The following PTPRE variants were observed in gnomAD, a reference collection of about 807,000 sequenced individuals.
PTPRE encodes receptor-type tyrosine-protein phosphatase epsilon.
PTPRE carries 51 observed loss-of-function variants against 102.0 expected under a neutral mutation model. The observed-to-expected ratio is 0.50, with a 90% CI of 0.40 to 0.63. The LOEUF is 0.63. Ranked by LOEUF, PTPRE falls within the 30% of genes least tolerant of loss-of-function variation. The probability of loss-of-function intolerance (pLI) is 0.00; values close to 1 mark genes in which losing one functional copy is unlikely to be tolerated. For missense variants in PTPRE, 752 were observed against 915.1 expected (o/e 0.82, Z 2.30); for synonymous variants, 345 against 348.2 (o/e 0.99, Z 0.10).
chr10:128,022,007 C>T (rs894246879), intron 2 of PTPRE, among the ~76,000 whole-genome samples: 6 of 152,208 alleles, frequency 3.9e-5, no homozygotes, highest in South Asian at 2.1e-4. Context: ...CCCATCACTG[C>T]GTCTCCCCTG....
chr10:127,971,893 T>C (rs926918156), intron 1 of PTPRE, among the ~76,000 whole-genome samples: 1 of 152,192 alleles, frequency 6.6e-6, no homozygotes, highest in African/African-American at 2.4e-5. Flanking sequence ...CAGATTCAGG[T>C]GCAGCATTGA....
At chr10:127,937,033 C>T (rs1286455852) in intron 1 of PTPRE, among the ~76,000 whole-genome samples, 1 of 152,152 alleles carries the variant, frequency 6.6e-6, no homozygotes, top group East Asian at 1.9e-4. Context: ...CTCAGTCCTT[C>T]TCGCTCCATA....
intron 19 of PTPRE, 121 bp downstream of exon 19, chr10:128,077,904 C>T: frequency 9.1e-7 from 1 of 1,104,048 alleles, no homozygotes; most frequent in Non-Finnish European, 1.3e-6. Context: ...CCTAGAGTCT[C>T]CTCTCTACCT....
chr10:128,061,072 A>G (rs1335974311), intron 8 of PTPRE, 57 bp downstream of exon 8: 3 of 1,544,242 alleles, frequency 1.9e-6, no homozygotes. Flanking sequence ...AGCAGTAAGC[A>G]CTTTCTTGTC....
rs1166499710 is a variant in PTPRE at position 128,028,569 on chromosome 10, C to G, written c.-7-12306C>G. On this transcript the variant is annotated intron_variant, in intron 2 of 20. Transcript: ENST00000254667. The surrounding 1 kb of genome is among the most constrained non-coding windows in gnomAD (Gnocchi z 4.5). ...GACAGGTTGCAGAAGGCCACTGCCT[C>G]GCTGCAGGAGGCTGGCCCTCAGCGC... 6.6e-6 allele frequency among the ~76,000 whole-genome samples: 1 copy of G among 152,144 alleles called. No homozygotes were observed. Among genetic ancestry groups the G allele is most frequent in the Non-Finnish European group, 1.5e-5 (1 of 68,036 alleles).
chr10:127,963,392 G>A (rs1402819448), intron 1 of PTPRE, among the ~76,000 whole-genome samples: 1 of 152,162 alleles, frequency 6.6e-6, no homozygotes, highest in Non-Finnish European at 1.5e-5. Flanking sequence ...TCAAAGAACT[G>A]TATGTAATTT....
chr10:128,042,204 A>G (rs114065343), intron 3 of PTPRE, among the ~76,000 whole-genome samples: 1 of 152,112 alleles, frequency 6.6e-6, no homozygotes, highest in African/African-American at 2.4e-5. Flanking sequence ...ACGTAGAAAC[A>G]TCTGACAAAC....
chr10:128,073,429 C>T lies in PTPRE; in HGVS notation c.1557C>T (p.Ser519=), dbSNP rs1850954255. The T allele has an allele frequency of 6.2e-7, 1 of 1,614,170 alleles. No individual in the cohort carries two copies. ...DFWRMIWEWK[S]HTIVMLTEVQ... ...GGAGGATGATCTGGGAATGGAAATC[C>T]CACACTATCGTGATGCTGACGGAGG... Residue 519 remains serine (S), a synonymous_variant, in exon 17 of 21, where the codon TCC becomes TCT. Coordinates refer to ENST00000254667, the MANE Select transcript of PTPRE (RefSeq NM_006504.6).
intron 2 of PTPRE, among the ~76,000 whole-genome samples, chr10:128,000,849 A>G (rs1853806959): frequency 6.6e-6 from 1 of 152,212 alleles, no homozygotes; most frequent in Non-Finnish European, 1.5e-5. Context: ...CACTTGGGCA[A>G]CTGCCCAGAA....
chr10:127,909,720 G>A (rs902073616), intron 1 of PTPRE, among the ~76,000 whole-genome samples: 1 of 152,226 alleles, frequency 6.6e-6, no homozygotes, highest in African/African-American at 2.4e-5. Context: ...GCCCAGCCAT[G>A]TGCCTACCAG....
At chr10:127,941,385 G>A (rs1426324489) in intron 1 of PTPRE, among the ~76,000 whole-genome samples, 6 of 152,188 alleles carry the variant, frequency 3.9e-5, no homozygotes, top group Non-Finnish European at 7.3e-5. Flanking sequence ...ACAAATGCAA[G>A]AGTCAGGCAG....
chr10:127,956,099 A>G (rs939926337), intron 1 of PTPRE, among the ~76,000 whole-genome samples: 2 of 152,156 alleles, frequency 1.3e-5, no homozygotes, highest in Non-Finnish European at 2.9e-5. Flanking sequence ...GTCAGGTGAA[A>G]CTATTACCTT....
intron 1 of PTPRE, among the ~76,000 whole-genome samples, chr10:127,975,860 AC>A (rs555955531): frequency 1.1e-4 from 16 of 152,256 alleles, no homozygotes; most frequent in African/African-American, 3.9e-4. Flanking sequence ...CTGAAGTCCC[AC>A]TGCACTACCC....
chr10:128,044,940 G>A (rs544439828), intron 3 of PTPRE, among the ~76,000 whole-genome samples: 16 of 152,362 alleles, frequency 1.1e-4, no homozygotes, highest in Admixed American at 1.0e-3. Flanking sequence ...TTAGGAAAGT[G>A]GGAAGAACTA....
chr10:127,987,284 C>T (rs1196314895), intron 2 of PTPRE: 25 of 1,226,652 alleles, frequency 2.0e-5, no homozygotes, highest in Admixed American at 8.6e-5. Context: ...GTGTTCACAG[C>T]AGACCCAGTT....
chr10:128,028,793 GC>G lies in PTPRE; in HGVS notation c.-7-12081del, dbSNP rs1846476668. ...CGGAGGGCTTGAGACCCTCTGGGATGCGACCCAGTCCCCACCCATGGCCACT... is the reference window on the plus strand; with the variant it reads ...CGGAGGGCTTGAGACCCTCTGGGATGGACCCAGTCCCCACCCATGGCCACT... On this transcript the variant is annotated intron_variant, in intron 2 of 20. Transcript: ENST00000254667. The surrounding 1 kb of genome is among the most constrained non-coding windows in gnomAD (Gnocchi z 4.5). Among the ~76,000 whole-genome samples the G allele has an allele frequency of 6.6e-6, 1 of 152,178 alleles. No homozygotes were observed. Among genetic ancestry groups the G allele is most frequent in the African/African-American group, 2.4e-5 (1 of 41,442 alleles).
intron 7 of PTPRE, among the ~76,000 whole-genome samples, chr10:128,058,887 C>T (rs920996590): frequency 1.3e-5 from 2 of 152,228 alleles, no homozygotes; most frequent in Admixed American, 6.5e-5. Context: ...TGGCTCTGGG[C>T]AGGCATGTGG....
intron 5 of PTPRE, among the ~76,000 whole-genome samples, chr10:128,049,272 G>T (rs1163916375): frequency 2.0e-5 from 3 of 152,156 alleles, no homozygotes; most frequent in Non-Finnish European, 4.4e-5. Context: ...AGGGGGACAG[G>T]CTGTCTCCAA....
chr10:128,068,489 G>A (rs1850477977), intron 12 of PTPRE: 3 of 492,670 alleles, frequency 6.1e-6, no homozygotes, highest in African/African-American at 3.9e-5. Context: ...CATCCCAGTC[G>A]ATAAAACCCA....
Sources: gnomAD v4.1 joint callset for allele counts (sites outside exome capture counted in the v4.1 genomes callset) on GRCh38, gnomAD v4.1.1 for gene constraint, Gnocchi (gnomAD v3.1) non-coding constraint, MANE v1.5 for transcripts, NCBI Gene and HGNC (gene_info 2026-07-23, HGNC 2026-07-21) for gene names.